Variants in SYNPO observed in about 807,000 individuals in gnomAD.
SYNPO encodes the protein synaptopodin.
SYNPO carries 19 observed loss-of-function variants against 49.5 expected under a neutral mutation model. The observed-to-expected ratio is 0.38, with a 90% confidence interval of 0.27 to 0.56. The LOEUF (loss-of-function observed/expected upper bound fraction) is 0.56, where lower values mean the gene tolerates loss of function less well. Among genes scored for constraint, SYNPO ranks in the 20% least tolerant of loss-of-function variants. SYNPO has a pLI of 0.68. For missense variants in SYNPO, 1,131 were observed against 1,248.3 expected (o/e 0.91, Z 1.42); for synonymous variants, 536 against 548.0 (o/e 0.98, Z 0.31).
intron 2 of SYNPO, among the ~76,000 whole-genome samples, chr5:150,635,260 C>G (rs1385765963): frequency 6.6e-6 from 1 of 152,258 alleles, no homozygotes; most frequent in Admixed American, 6.5e-5. Flanking sequence ...CCTGGGCACG[C>G]TCTGCTGTGT....
chr5:150,649,186 G>C lies in SYNPO; in HGVS notation c.911G>C (p.Ser304Thr). The change falls in exon 2 of 3, where the codon AGC becomes ACC. Residue 304 changes from serine (S) to threonine (T), a missense_variant. This residue lies in a region of SYNPO where 602 missense variants were observed against 720.7 expected (regional missense o/e 0.84). Coordinates refer to ENST00000307662, the MANE Select transcript of SYNPO (RefSeq NM_007286.6). ...MVERRMMGQRSPASERRPLGN... is the reference protein window; with the variant it reads ...MVERRMMGQRTPASERRPLGN... ...GAAAGGAGGATGATGGGGCAGCGAA[G>C]CCCGGCCTCAGAGAGACGCCCCTTG... 1.9e-6 allele frequency: 3 copies of C among 1,614,098 alleles called. No individual in the cohort carries two copies. The highest frequency in any genetic ancestry group is 2.5e-6 in the Non-Finnish European group (3 of 1,180,016).
At chr5:150,623,637 G>A (rs748731658) in intron 2 of SYNPO, among the ~76,000 whole-genome samples, 8 of 152,182 alleles carry the variant, frequency 5.3e-5, no homozygotes, top group Non-Finnish European at 1.0e-4. Context: ...AACTGCCAGG[G>A]AGGGTTCCTG....
the SYNPO span, among the ~76,000 whole-genome samples, chr5:150,588,701 C>A: frequency 2.0e-5 from 3 of 151,740 alleles, no homozygotes; most frequent in South Asian, 6.2e-4. Flanking sequence ...TGGGGCGGTG[C>A]TCCCAGGAGC....
At chr5:150,655,984 T>C (rs1489504064) in intron 2 of SYNPO, among the ~76,000 whole-genome samples, 1 of 152,260 alleles carries the variant, frequency 6.6e-6, no homozygotes, top group African/African-American at 2.4e-5. Flanking sequence ...TCAACATCTA[T>C]TGAGCACTTT....
chr5:150,656,427 C>CT lies in SYNPO; in HGVS notation c.2053dup (p.Ser685PhefsTer59). On this transcript the variant is annotated frameshift_variant, in exon 3 of 3. Coordinates refer to ENST00000307662, the MANE Select transcript of SYNPO (RefSeq NM_007286.6). LOFTEE classifies it high-confidence loss of function. ...AGGACCGCCGGGAGAGCCTGCCCACCTCCCCACCCTGGACGCCGGGCGCGT... is the reference window on the plus strand; with the variant it reads ...AGGACCGCCGGGAGAGCCTGCCCACCTTCCCCACCCTGGACGCCGGGCGCGT... 5 of 1,531,914 alleles carry CT rather than the reference C, an allele frequency of 3.3e-6. No homozygotes were observed. The highest frequency in any genetic ancestry group is 4.4e-6 in the Non-Finnish European group (5 of 1,145,242). 94.9% of individuals were successfully genotyped at this position (1,531,914 alleles called of 1,614,324 possible). A position where few individuals can be genotyped will look rare whatever the true frequency, so the allele number is the denominator to read the frequency against.
At position 150,649,344 on chromosome 5, in the gene SYNPO, C is replaced by A; in HGVS notation, c.1069C>A (p.Gln357Lys). 6.2e-7 allele frequency: 1 copy of A among 1,614,220 alleles called. No homozygotes were observed. Among genetic ancestry groups the A allele is most frequent in the Non-Finnish European group, 8.5e-7 (1 of 1,180,038 alleles). Residue 357 changes from glutamine to lysine, a missense_variant, in exon 2 of 3, where the codon CAG becomes AAG. Coordinates refer to ENST00000307662, the MANE Select transcript of SYNPO (RefSeq NM_007286.6). ...SDPKSSHLKG[Q>K]AVPASKTGIL... ...CCCCAAGTCTTCTCATCTGAAGGGC[C>A]AGGCGGTTCCTGCCAGCAAGACGGG...
At position 150,649,839 on chromosome 5, in the gene SYNPO, C is replaced by A; in HGVS notation, c.1564C>A (p.Pro522Thr). The change falls in exon 2 of 3, where the codon CCC (proline) becomes ACC (threonine). Residue 522 changes from proline (P) to threonine (T), a missense_variant. Physicochemically the swap from Pro to Thr is conservative, Grantham distance 38. Around this residue, in one of 4 missense-constraint regions of SYNPO, gnomAD observed 602 missense variants for 720.7 expected, o/e 0.84. Transcript: ENST00000307662. ...TMSLPSSWKY[P>T]TNAPGAFRVA... ...GTCCCTGCCTTCCTCCTGGAAATAC[C>A]CCACTAACGCCCCCGGGGCCTTCCG... The A allele has an allele frequency of 6.2e-7, 1 of 1,609,018 alleles. No homozygotes were observed. The highest frequency in any genetic ancestry group is 8.5e-7 in the Non-Finnish European group (1 of 1,179,992).
chr5:150,615,752 G>A (rs1279408185), intron 1 of SYNPO, among the ~76,000 whole-genome samples: 1 of 152,234 alleles, frequency 6.6e-6, no homozygotes, highest in African/African-American at 2.4e-5. Flanking sequence ...TGAGGGCCTG[G>A]AGCCTCTCCT....
chr5:150,592,294 C>T, the SYNPO span, among the ~76,000 whole-genome samples: 1 of 152,126 alleles, frequency 6.6e-6, no homozygotes. Flanking sequence ...CCTACTTACC[C>T]TGGAAAAAGT....
At chr5:150,643,287 T>C (rs1303032186) in intron 1 of SYNPO, among the ~76,000 whole-genome samples, 1 of 152,220 alleles carries the variant, frequency 6.6e-6, no homozygotes, top group Non-Finnish European at 1.5e-5. Context: ...GAGCCGTAGA[T>C]TTCTCATCAA....
chr5:150,591,291 G>C, the SYNPO span, among the ~76,000 whole-genome samples: 1 of 152,240 alleles, frequency 6.6e-6, no homozygotes, highest in Admixed American at 6.5e-5. Flanking sequence ...CCGGGACGGG[G>C]AGGCTGTTTT....
chr5:150,589,631 G>A, the SYNPO span, among the ~76,000 whole-genome samples: 2 of 152,240 alleles, frequency 1.3e-5, no homozygotes, highest in African/African-American at 4.8e-5. Context: ...AATTCAGTAT[G>A]TGTCACCACA....
intron 1 of SYNPO, among the ~76,000 whole-genome samples, chr5:150,603,943 G>T (rs552714758): frequency 6.6e-6 from 1 of 152,334 alleles, no homozygotes; most frequent in Admixed American, 6.5e-5. Context: ...TTTCCTAGGG[G>T]GAAGAACCTT....
At chr5:150,637,707 G>A (rs564226011), upstream of SYNPO, among the ~76,000 whole-genome samples, 5 of 152,234 alleles carry the variant, frequency 3.3e-5, no homozygotes, top group African/African-American at 9.6e-5. Flanking sequence ...TGTCATTATC[G>A]TTCCTCCTGC....
intron 2 of SYNPO, among the ~76,000 whole-genome samples, chr5:150,622,276 T>G (rs1033804018): frequency 6.6e-6 from 1 of 152,198 alleles, no homozygotes; most frequent in African/African-American, 2.4e-5. Context: ...GAGCTGAGAT[T>G]TGAACCCCAG....
upstream of SYNPO, among the ~76,000 whole-genome samples, chr5:150,596,691 A>G (rs1756430788): frequency 1.3e-5 from 2 of 152,106 alleles, no homozygotes; most frequent in South Asian, 4.1e-4. Flanking sequence ...CCCACAGCCC[A>G]GGGTACCTTC....
Position 150,650,568 on chromosome 5 carries a change from A to C in SYNPO, c.2028+265A>C, listed in dbSNP as rs528313285. ...GGTCGGACTCCATGTCTGAGCGGGG[A>C]GGAGGGTCATGGAGAGAGAACTGTC... On this transcript the variant is annotated intron_variant, in intron 2 of 2. Transcript: ENST00000307662. 91 of 1,458,922 alleles carry C rather than the reference A, an allele frequency of 6.2e-5. No homozygotes were observed. The African/African-American group carries it at 1.1e-3, about 18-fold the overall frequency. 90.4% of individuals were successfully genotyped at this position (1,458,922 alleles called of 1,614,324 possible).
chr5:150,656,745 G>GCCCCC lies in SYNPO; in HGVS notation c.2371_2375dup (p.Pro794ArgfsTer147). The GCCCCC allele has an allele frequency of 6.4e-5, 65 of 1,010,434 alleles. No individual in the cohort carries two copies. The highest frequency in any genetic ancestry group is 9.7e-5 in the South Asian group (2 of 20,630). The allele number at this position is 1,010,434 out of a possible 1,614,324, so 62.6% of individuals were successfully genotyped here. ...CCTTCTCCCCGCCGAGGGCGCCACC[G>GCCCCC]CCCCCGCCCCCGCCCCCGCCCCCGC... On this transcript the variant is annotated frameshift_variant, in exon 3 of 3. Transcript: ENST00000307662. LOFTEE classifies it low-confidence loss of function (END_TRUNC).
chr5:150,611,304 G>A (rs968890214), intron 1 of SYNPO, among the ~76,000 whole-genome samples: 2 of 152,196 alleles, frequency 1.3e-5, no homozygotes, highest in African/African-American at 4.8e-5. Flanking sequence ...ATGGCACTTA[G>A]CAGGCGTTCT....
Sources: gnomAD v4.1 joint callset for allele counts (sites outside exome capture counted in the v4.1 genomes callset) on GRCh38, gnomAD v4.1.1 for gene constraint, gnomAD v4.1.1 regional missense constraint, MANE v1.5 for transcripts, NCBI Gene and HGNC (gene_info 2026-07-23, HGNC 2026-07-21) for gene names.